Variants in ODAM observed in about 807,000 individuals in gnomAD.
ODAM encodes odontogenic ameloblast-associated protein.
Under a neutral mutation model 48.5 loss-of-function variants are expected in ODAM, and 55 were observed. The ratio of observed to expected loss-of-function variants is 1.13; its 90% confidence interval spans 0.91 to 1.42. ODAM has a LOEUF of 1.42. ODAM is among the 40% of genes most tolerant of loss of function. The probability of loss-of-function intolerance (pLI) is 0.00; values close to 1 mark genes in which losing one functional copy is unlikely to be tolerated. For synonymous variants in ODAM, 127 were observed against 107.8 expected, an observed-to-expected ratio of 1.18 and a Z score of -1.10; for missense variants, 353 against 323.6, an observed-to-expected ratio of 1.09 and a Z score of -0.70.
chr4:70,197,822 T>C (rs1729404750), intron 4 of ODAM, 102 bp from the exon 5 acceptor site: 1 of 820,584 alleles, frequency 1.2e-6, no homozygotes, highest in African/African-American at 1.7e-5. Flanking sequence ...ACATTGGAAC[T>C]ATAGAAATTG....
At chr4:70,198,834 CT>C (rs967289795) in intron 6 of ODAM, among the ~76,000 whole-genome samples, 2 of 151,998 alleles carry the variant, frequency 1.3e-5, no homozygotes, top group Admixed American at 6.6e-5. Context: ...TAAGTAGAGT[CT>C]CCAGGACCCC....
In ODAM at chr4:70,198,590, T is replaced by A. The variant is rs910996804; in HGVS notation, c.387T>A (p.Tyr129Ter). Residue 129 changes from tyrosine to a stop codon, truncating the protein, a stop_gained, in exon 6 of 12, where the codon TAT becomes TAA. Transcript: ENST00000683306. LOFTEE classifies it high-confidence loss of function. ...CTTTTTTTTGGCAGGTGATGCCCTA[T>A]GTATTCTCCTTCAAAATGCCTCAAG... The part of the protein sequence containing the change: ...TQPGPSHVMP[Y>*]VFSFKMPQEQ... 1.3e-6 allele frequency: 2 copies of A among 1,598,378 alleles called. No homozygotes were observed. The highest frequency in any genetic ancestry group is 2.7e-5 in the African/African-American group (2 of 73,690).
chr4:70,197,794 G>T, intron 4 of ODAM, 130 bp from the exon 5 acceptor site: 2 of 689,864 alleles, frequency 2.9e-6, no homozygotes, highest in Non-Finnish European at 2.5e-6. Flanking sequence ...TCAAGATGCT[G>T]TCCTTTTTTA....
rs201375996 is a variant in ODAM at position 70,197,299 on chromosome 4, A to C, written c.119A>C (p.Gln40Pro). Reference protein sequence around the residue: ...NELLLNLNNGQLLPLQLQGPL... With the variant: ...NELLLNLNNGPLLPLQLQGPL... ...TTACTTCTTAATCTTAATAATGGTC[A>C]ACTTTTGCCACTACAACTTCAGGTA... Residue 40 changes from glutamine (Q) to proline (P), a missense_variant, in exon 4 of 12, where the codon CAA (glutamine) becomes CCA (proline). Transcript: ENST00000683306. 2.8e-6 allele frequency: 4 copies of C among 1,448,714 alleles called. No homozygotes were observed. The East Asian group carries it at 9.1e-5, about 33-fold the overall frequency. The allele number at this position is 1,448,714 out of a possible 1,614,324, so 89.7% of individuals were successfully genotyped here.
chr4:70,198,578 G>A lies in ODAM; in HGVS notation c.376-1G>A. 1 of 1,585,162 alleles carries A rather than the reference G, an allele frequency of 6.3e-7. No individual in the cohort carries two copies. The highest frequency in any genetic ancestry group is 8.5e-7 in the Non-Finnish European group (1 of 1,170,862). ...TTTTATATAATTCTTTTTTTTGGCA[G>A]GTGATGCCCTATGTATTCTCCTTCA... On this transcript the variant is annotated splice_acceptor_variant, in intron 5 of 11. Coordinates refer to ENST00000683306, the MANE Select transcript of ODAM (RefSeq NM_017855.4). LOFTEE classifies it high-confidence loss of function.
intron 6 of ODAM, among the ~76,000 whole-genome samples, chr4:70,199,590 G>T (rs1326348882): frequency 6.6e-6 from 1 of 151,876 alleles, no homozygotes; most frequent in African/African-American, 2.4e-5. Context: ...GAAACCAGTA[G>T]CTCTCCATCC....
intron 6 of ODAM, 96 bp from the exon 7 acceptor site, chr4:70,200,401 A>C: frequency 1.6e-6 from 1 of 641,020 alleles, no homozygotes. Flanking sequence ...TGCTAGACAT[A>C]AAACAGCTTT....
rs769746445 is a variant in ODAM, at chr4:70,202,844, C to T, written c.737C>T (p.Pro246Leu). ...SAGVFMPSTS[P>L]KPSTTNVFTS... ...GGAGTTTTCATGCCCTCAACTTCAC[C>T]AAAACCCAGCACAACCAATGTTTTC... Residue 246 changes from proline to leucine, a missense_variant, in exon 10 of 12, where the codon CCA becomes CTA. Physicochemically the swap from Pro to Leu is moderately conservative, Grantham distance 98. Coordinates refer to ENST00000683306, the MANE Select transcript of ODAM (RefSeq NM_017855.4). 7 of 1,612,248 alleles carry T rather than the reference C, an allele frequency of 4.3e-6. No individual in the cohort carries two copies. The South Asian group carries it at 7.7e-5, about 18-fold the overall frequency.
At chr4:70,198,660 G>A (rs1282174590) in intron 6 of ODAM, 34 bp downstream of exon 6, 1 of 1,531,106 alleles carries the variant, frequency 6.5e-7, no homozygotes, top group Non-Finnish European at 9.0e-7. Context: ...CCATAGAGAT[G>A]GCTACATACA....
At position 70,196,717 on chromosome 4, in the gene ODAM, C is replaced by T; in HGVS notation, c.77C>T (p.Ala26Val). Residue 26 changes from alanine to valine, a missense_variant, in exon 3 of 12, where the codon GCC becomes GTC. By Grantham distance (64) the Ala-to-Val change is moderately conservative. Coordinates refer to ENST00000683306, the MANE Select transcript of ODAM (RefSeq NM_017855.4). ...CTTATCCCACAGCGTCTCATGTCTG[C>T]CAGCAATAGCAATGAGGTTAGTTTA... ...APLIPQRLMS[A>V]SNSNELLLNL... The T allele has an allele frequency of 6.2e-7, 1 of 1,605,422 alleles. No individual in the cohort carries two copies. The highest frequency in any genetic ancestry group is 8.5e-7 in the Non-Finnish European group (1 of 1,175,462).
Position 70,201,575 on chromosome 4 carries a change from C to T in ODAM, c.576+74C>T. 3.6e-6 allele frequency: 3 copies of T among 826,278 alleles called. No homozygotes were observed. The Admixed American group carries it at 6.1e-5, about 17-fold the overall frequency. The allele number at this position is 826,278 out of a possible 1,614,324, so 51.2% of individuals were successfully genotyped here. A position where few individuals can be genotyped will look rare whatever the true frequency, so the allele number is the denominator to read the frequency against. On this transcript the variant is annotated intron_variant, in intron 8 of 11. Coordinates refer to ENST00000683306, the MANE Select transcript of ODAM (RefSeq NM_017855.4). ...TCATTGTCTACTAAATCTATCAATG[C>T]CCTTCAGCCAAAGATGACCAGGAGC...
chr4:70,200,639 C>A, intron 7 of ODAM, 38 bp downstream of exon 7: 1 of 1,330,668 alleles, frequency 7.5e-7, no homozygotes, highest in Non-Finnish European at 1.1e-6. Context: ...ACTAGTTCCA[C>A]TTGAAAATAG....
Position 70,202,247 on chromosome 4 carries a change from T to A in ODAM, c.577-11T>A, listed in dbSNP as rs950008331. On this transcript the variant is annotated splice_polypyrimidine_tract_variant and intron_variant, in intron 8 of 11. Transcript: ENST00000683306. ...CTGATTTAGACTTTTTAAAACTTTTTGTGTTTTTAGGCTATATCAGGAGGA... is the reference window on the plus strand; with the variant it reads ...CTGATTTAGACTTTTTAAAACTTTTAGTGTTTTTAGGCTATATCAGGAGGA... 2 of 1,608,222 alleles carry A rather than the reference T, an allele frequency of 1.2e-6. No homozygotes were observed. The highest frequency in any genetic ancestry group is 4.5e-5 in the East Asian group (2 of 44,696).
chr4:70,200,212 C>T, intron 6 of ODAM: 2 of 352,914 alleles, frequency 5.7e-6, no homozygotes, highest in African/African-American at 2.8e-5. Context: ...TATAAAGTTT[C>T]TAAGATGTCC....
At chr4:70,200,696 T>A in intron 7 of ODAM, 95 bp downstream of exon 7, 1 of 699,878 alleles carries the variant, frequency 1.4e-6, no homozygotes, top group Non-Finnish European at 2.4e-6. Context: ...TGAGTATATT[T>A]AATGCAAACA....
chr4:70,200,407 G>A, intron 6 of ODAM, 90 bp from the exon 7 acceptor site: 1 of 652,678 alleles, frequency 1.5e-6, no homozygotes, highest in Non-Finnish European at 2.6e-6. Context: ...ACATAAAACA[G>A]CTTTTAAATA....
At chr4:70,198,201 C>A in intron 5 of ODAM, 44 bp downstream of exon 5, 2 of 1,456,614 alleles carry the variant, frequency 1.4e-6, no homozygotes, top group Non-Finnish European at 1.9e-6. Context: ...GAGAGAACTG[C>A]ATGTTTAATC....
rs1284378077 is a variant in ODAM, at chr4:70,197,951, T to C, written c.169T>C (p.Phe57Leu). 1 of 1,613,256 alleles carries C rather than the reference T, an allele frequency of 6.2e-7. No individual in the cohort carries two copies. Among genetic ancestry groups the C allele is most frequent in the Non-Finnish European group, 8.5e-7 (1 of 1,179,480 alleles). ...CCCACTTAATTCATGGATTCCACCTTTCTCTGGAATTTTACAACAGCAGCA... is the reference window on the plus strand; with the variant it reads ...CCCACTTAATTCATGGATTCCACCTCTCTCTGGAATTTTACAACAGCAGCA... ...QGPLNSWIPP[F>L]SGILQQQQQA... The change falls in exon 5 of 12, where the codon TTC becomes CTC. Residue 57 changes from phenylalanine to leucine, a missense_variant. Physicochemically the swap from Phe to Leu is conservative, Grantham distance 22. Transcript: ENST00000683306.
chr4:70,200,564 C>G lies in ODAM; in HGVS notation c.491C>G (p.Ser164Ter). The stretch of plus-strand genomic sequence containing the variant: ...CAACCTCAGCAAACAGTTCCAAGGT[C>G]ACCTCAACAAACAAGACAGCAACAG... ...WEQPQQTVPR[S>*]PQQTRQQQYE... Residue 164 changes from serine to a stop codon, truncating the protein, a stop_gained, in exon 7 of 12, where the codon TCA becomes TGA. Transcript: ENST00000683306. LOFTEE classifies it high-confidence loss of function. The G allele has an allele frequency of 6.2e-7, 1 of 1,611,300 alleles. No individual in the cohort carries two copies. The highest frequency in any genetic ancestry group is 1.1e-5 in the South Asian group (1 of 90,982).
Sources: gnomAD v4.1 joint callset for allele counts (sites outside exome capture counted in the v4.1 genomes callset) on GRCh38, gnomAD v4.1.1 for gene constraint, MANE v1.5 for transcripts, NCBI Gene and HGNC (gene_info 2026-07-23, HGNC 2026-07-21) for gene names.